The following NKD1 variants were observed in gnomAD, a reference collection of about 807,000 sequenced individuals.
NKD1 encodes protein naked cuticle homolog 1.
A neutral mutation model predicts 56.0 loss-of-function variants in NKD1; 21 were observed. The ratio of observed to expected loss-of-function variants is 0.38; its 90% confidence interval spans 0.27 to 0.54. NKD1 has a LOEUF of 0.54. Among genes scored for constraint, NKD1 ranks in the 20% least tolerant of loss-of-function variants. The probability of loss-of-function intolerance (pLI) is 0.82; values close to 1 mark genes in which losing one functional copy is unlikely to be tolerated. For synonymous variants in NKD1, 263 were observed against 265.7 expected, an observed-to-expected ratio of 0.99 and a Z score of 0.10; for missense variants, 578 against 642.7, an observed-to-expected ratio of 0.90 and a Z score of 1.09.
intron 3 of NKD1, among the ~76,000 whole-genome samples, chr16:50,581,509 T>C (rs1961115257): frequency 6.6e-6 from 1 of 152,254 alleles, no homozygotes; most frequent in Non-Finnish European, 1.5e-5. Flanking sequence ...TTCCTGCCTG[T>C]ACCTGCTATT....
intron 3 of NKD1, chr16:50,575,001 T>G (rs921641707): frequency 2.0e-6 from 2 of 985,282 alleles, no homozygotes; most frequent in Admixed American, 6.1e-5. Context: ...TTCTCACAGC[T>G]TGATTTAATA....
intron 8 of NKD1, among the ~76,000 whole-genome samples, chr16:50,631,517 A>C (rs1962345506): frequency 6.6e-6 from 1 of 152,198 alleles, no homozygotes; most frequent in Non-Finnish European, 1.5e-5. Context: ...GAGCTGGATT[A>C]GTACTCGCTA....
At chr16:50,592,682 G>A (rs1366091973) in intron 3 of NKD1, among the ~76,000 whole-genome samples, 1 of 151,944 alleles carries the variant, frequency 6.6e-6, no homozygotes, top group African/African-American at 2.4e-5. Flanking sequence ...AGAGCCCGGG[G>A]CTCCAGGGAT....
chr16:50,615,068 C>T (rs903226533), intron 4 of NKD1, among the ~76,000 whole-genome samples: 3 of 152,090 alleles, frequency 2.0e-5, no homozygotes, highest in Non-Finnish European at 2.9e-5. Context: ...ACTAGATAGA[C>T]TGAGAGTGGG....
intron 3 of NKD1, among the ~76,000 whole-genome samples, chr16:50,581,270 A>G (rs1016384729): frequency 2.6e-5 from 4 of 152,216 alleles, no homozygotes; most frequent in Admixed American, 2.6e-4. Context: ...GCAACTACCC[A>G]TTAAATAAGT....
intron 4 of NKD1, among the ~76,000 whole-genome samples, chr16:50,614,968 A>G (rs1251778078): frequency 6.6e-6 from 1 of 152,156 alleles, no homozygotes; most frequent in African/African-American, 2.4e-5. Flanking sequence ...CTGACCTAGG[A>G]CCAGCCACGT....
intron 4 of NKD1, among the ~76,000 whole-genome samples, chr16:50,615,021 G>A (rs1305589496): frequency 6.6e-6 from 1 of 152,174 alleles, no homozygotes; most frequent in Non-Finnish European, 1.5e-5. Context: ...GGGGTACTGA[G>A]TGCAGTGTGA....
intron 3 of NKD1, among the ~76,000 whole-genome samples, chr16:50,577,697 G>C (rs182322010): frequency 6.6e-6 from 1 of 152,198 alleles, no homozygotes; most frequent in South Asian, 2.1e-4. Context: ...GGCAACCACC[G>C]TTCCACTCTG....
chr16:50,591,880 C>T (rs1406403392), intron 3 of NKD1, among the ~76,000 whole-genome samples: 1 of 152,180 alleles, frequency 6.6e-6, no homozygotes, highest in Non-Finnish European at 1.5e-5. Context: ...CTGGCTGAAC[C>T]AAGAAATAGG....
At chr16:50,562,323 C>A in intron 3 of NKD1, 1 of 962,070 alleles carries the variant, frequency 1.0e-6, no homozygotes, top group Non-Finnish European at 1.2e-6. Flanking sequence ...TCTGCAGGTG[C>A]ATAGAGAAAG....
chr16:50,568,218 G>C (rs182900052), intron 3 of NKD1, among the ~76,000 whole-genome samples: 154 of 152,336 alleles, frequency 1.0e-3, no homozygotes, highest in African/African-American at 3.6e-3. Flanking sequence ...ACCATCTCTG[G>C]GGATTTGGGG....
At chr16:50,566,261 C>T in intron 3 of NKD1, 2 of 768,878 alleles carry the variant, frequency 2.6e-6, no homozygotes, top group Non-Finnish European at 1.6e-6. Flanking sequence ...CAGCTGGATC[C>T]ACCAGCCCAA....
intron 3 of NKD1, chr16:50,552,118 T>C (rs1174412535): frequency 6.6e-6 from 1 of 152,348 alleles, no homozygotes; most frequent in Middle Eastern, 3.4e-3. Flanking sequence ...CCTCTAGTCC[T>C]TTACGTGGCC....
chr16:50,583,217 G>A (rs1015667671), intron 3 of NKD1, among the ~76,000 whole-genome samples: 24 of 152,176 alleles, frequency 1.6e-4, no homozygotes, highest in African/African-American at 4.8e-4. Context: ...CAGTGGGAGG[G>A]ATGTGTAAGA....
intron 5 of NKD1, chr16:50,625,256 A>C (rs548862623): frequency 1.8e-6 from 1 of 568,668 alleles, no homozygotes; most frequent in Admixed American, 3.1e-5. Flanking sequence ...ACAGACCACC[A>C]GGCACCCCTG....
In NKD1 at chr16:50,598,355, C is replaced by T. The variant is rs182037946; in HGVS notation, c.193-9939C>T. 1.3e-5 allele frequency among the ~76,000 whole-genome samples: 2 copies of T among 152,138 alleles called. No individual in the cohort carries two copies. The highest frequency in any genetic ancestry group is 2.4e-5 in the African/African-American group (1 of 41,508). ...CAAGAGGCTCTTACTTCATCTGTTT[C>T]GTTTAGGTTCAGAAAAGCAAGAAGC... On this transcript the variant is annotated intron_variant, in intron 3 of 9. Transcript: ENST00000268459. The surrounding 1 kb of genome is among the most constrained non-coding windows in gnomAD (Gnocchi z 4.2).
intron 4 of NKD1, among the ~76,000 whole-genome samples, chr16:50,613,147 G>A (rs1452934710): frequency 1.3e-5 from 2 of 152,090 alleles, no homozygotes; most frequent in Non-Finnish European, 2.9e-5. Context: ...AGGTTTTGGC[G>A]GGTGACCATC....
intron 4 of NKD1, among the ~76,000 whole-genome samples, chr16:50,620,977 AGT>A (rs1281194761): frequency 6.6e-6 from 1 of 152,068 alleles, no homozygotes; most frequent in Non-Finnish European, 1.5e-5. Flanking sequence ...TGCATGTGTG[AGT>A]GTGCATATGT....
At chr16:50,573,893 A>G in intron 3 of NKD1, 1 of 985,418 alleles carries the variant, frequency 1.0e-6, no homozygotes, top group Non-Finnish European at 1.2e-6. Flanking sequence ...CTGAGCTGGC[A>G]CAAACAACAG....
Sources: allele counts gnomAD v4.1 joint callset (sites outside exome capture counted in the v4.1 genomes callset), GRCh38; gene constraint gnomAD v4.1.1; non-coding constraint Gnocchi (gnomAD v3.1); transcripts MANE v1.5; gene names NCBI Gene and HGNC (gene_info 2026-07-23, HGNC 2026-07-21).